Variants in H3C1 observed in about 807,000 individuals in gnomAD.
H3C1 encodes histone H3.1.
Under a neutral mutation model 7.3 loss-of-function variants are expected in H3C1, and 14 were observed. The observed-to-expected ratio is 1.90, with a 90% confidence interval of 1.26 to 2.98. The LOEUF (loss-of-function observed/expected upper bound fraction) is 2.98. H3C1 is among the 30% of genes most tolerant of loss of function. The probability of loss-of-function intolerance (pLI) is 0.00; values close to 1 mark genes in which losing one functional copy is unlikely to be tolerated. For synonymous variants in H3C1, 181 were observed against 76.0 expected, an observed-to-expected ratio of 2.38 and a Z score of -7.18; for missense variants, 326 against 192.2, an observed-to-expected ratio of 1.70 and a Z score of -4.12.
rs1388919828 is a variant in H3C1 at position 26,020,931 on chromosome 6, A to C, written c.*31A>C. On this transcript the variant is annotated 3_prime_UTR_variant, in exon 1 of 1. Transcript: ENST00000613854. ...GTGGTCTCTCTGACGGTCCAAGCAAAGGCTCTTTTCAGAGCCACCACCTTT... is the reference window on the plus strand; with the variant it reads ...GTGGTCTCTCTGACGGTCCAAGCAACGGCTCTTTTCAGAGCCACCACCTTT... The C allele has an allele frequency of 1.3e-5, 21 of 1,608,254 alleles. No individual in the cohort carries two copies. Among genetic ancestry groups the C allele is most frequent in the Non-Finnish European group, 1.6e-5 (19 of 1,178,004 alleles).
Position 26,020,663 on chromosome 6 carries a change from CACTGA to C in H3C1, c.179_183del (p.Glu60AlafsTer4). 1 of 1,614,268 alleles carries C rather than the reference CACTGA, an allele frequency of 6.2e-7. No homozygotes were observed. Among genetic ancestry groups the C allele is most frequent in the Non-Finnish European group, 8.5e-7 (1 of 1,180,038 alleles). ...GCGAGATCCGCCGTTATCAGAAGTC[CACTGA>C]ACTGCTTATTCGTAAACTACCTTTC... is the stretch of plus-strand genomic sequence containing the variant. On this transcript the variant is annotated frameshift_variant, in exon 1 of 1. Transcript: ENST00000613854. LOFTEE classifies it high-confidence loss of function.
Position 26,020,521 on chromosome 6 carries a change from C to T in H3C1, c.32C>T (p.Ser11Phe), listed in dbSNP as rs1761218118. 3.1e-6 allele frequency: 5 copies of T among 1,614,146 alleles called. No individual in the cohort carries two copies. The highest frequency in any genetic ancestry group is 4.2e-6 in the Non-Finnish European group (5 of 1,180,028). Reference protein sequence around the residue: MARTKQTARKSTGGKAPRKQL... With the variant: MARTKQTARKFTGGKAPRKQL... ...CGCACTAAGCAAACTGCTCGGAAGT[C>T]TACTGGTGGCAAGGCGCCACGCAAA... The change falls in exon 1 of 1, where the codon TCT (serine) becomes TTT (phenylalanine). Residue 11 changes from serine (S) to phenylalanine (F), a missense_variant. Coordinates refer to ENST00000613854, the MANE Select transcript of H3C1 (RefSeq NM_003529.3).
rs770163411 is a variant in H3C1, at chr6:26,020,462, G to A, written c.-28G>A. On this transcript the variant is annotated 5_prime_UTR_variant, in exon 1 of 1. Coordinates refer to ENST00000613854, the MANE Select transcript of H3C1 (RefSeq NM_003529.3). Reference sequence around the variant, plus strand: ...TCATGGGCGTATTTGCGCTAGTGTTGGGTGTTCCGCTGTGCTGTTTTTCCG... The same window carrying A: ...TCATGGGCGTATTTGCGCTAGTGTTAGGTGTTCCGCTGTGCTGTTTTTCCG... 3.1e-6 allele frequency: 5 copies of A among 1,611,296 alleles called. No homozygotes were observed. Among genetic ancestry groups the A allele is most frequent in the Admixed American group, 3.4e-5 (2 of 59,400 alleles).
rs752487473 is a variant in H3C1 at position 26,020,483 on chromosome 6, T to C, written c.-7T>C. 1 of 1,613,468 alleles carries C rather than the reference T, an allele frequency of 6.2e-7. No homozygotes were observed. Among genetic ancestry groups the C allele is most frequent in the African/African-American group, 1.3e-5 (1 of 74,866 alleles). On this transcript the variant is annotated 5_prime_UTR_variant, in exon 1 of 1. Coordinates refer to ENST00000613854, the MANE Select transcript of H3C1 (RefSeq NM_003529.3). ...TGTTGGGTGTTCCGCTGTGCTGTTT[T>C]TCCGTCATGGCTCGCACTAAGCAAA...
At position 26,020,789 on chromosome 6, in the gene H3C1, CTTGGTAGGGCTAT is replaced by C; in HGVS notation, c.304_316del (p.Val102ArgfsTer?). On this transcript the variant is annotated frameshift_variant, in exon 1 of 1. Transcript: ENST00000613854. LOFTEE classifies it high-confidence loss of function. ...CTCTGCAGGAGGCGTGCGAGGCCTA[CTTGGTAGGGCTAT>C]TTGAGGACACTAACCTGTGCGCCAT... 1 of 1,614,246 alleles carries C rather than the reference CTTGGTAGGGCTAT, an allele frequency of 6.2e-7. No individual in the cohort carries two copies. The highest frequency in any genetic ancestry group is 8.5e-7 in the Non-Finnish European group (1 of 1,180,048).
In H3C1 at chr6:26,020,736, C is replaced by A. The variant is rs772494976; in HGVS notation, c.247C>A (p.Leu83Met). 2.5e-6 allele frequency: 4 copies of A among 1,614,264 alleles called. No homozygotes were observed. The South Asian group carries it at 4.4e-5, about 18-fold the overall frequency. ...REIAQDFKTD[L>M]RFQSSAVMAL... is the part of the protein sequence containing the mutation. ...GATTGCGCAGGACTTTAAAACAGAC[C>A]TGCGTTTCCAGAGCTCCGCTGTGAT... The change falls in exon 1 of 1, where the codon CTG (leucine) becomes ATG (methionine). Residue 83 changes from leucine (L) to methionine (M), a missense_variant. Transcript: ENST00000613854.
Position 26,020,808 on chromosome 6 carries a change from G to A in H3C1, c.319G>A (p.Asp107Asn), listed in dbSNP as rs1378364928. The change falls in exon 1 of 1, where the codon GAC becomes AAC. Residue 107 changes from aspartate to asparagine, a missense_variant. Asp to Asn is a conservative substitution (Grantham distance 23). Coordinates refer to ENST00000613854, the MANE Select transcript of H3C1 (RefSeq NM_003529.3). ...GGCCTACTTGGTAGGGCTATTTGAG[G>A]ACACTAACCTGTGCGCCATCCACGC... ...CEAYLVGLFE[D>N]TNLCAIHAKR... 8 of 1,614,114 alleles carry A rather than the reference G, an allele frequency of 5.0e-6. No individual in the cohort carries two copies. Among genetic ancestry groups the A allele is most frequent in the Admixed American group, 1.7e-5 (1 of 60,008 alleles).
chr6:26,020,667 G>T lies in H3C1; in HGVS notation c.178G>T (p.Glu60Ter). The change falls in exon 1 of 1, where the codon GAA becomes TAA. Residue 60 changes from glutamate to a stop codon, truncating the protein, a stop_gained. Transcript: ENST00000613854. LOFTEE classifies it high-confidence loss of function. Reference sequence around the variant, plus strand: ...GATCCGCCGTTATCAGAAGTCCACTGAACTGCTTATTCGTAAACTACCTTT... The same window carrying T: ...GATCCGCCGTTATCAGAAGTCCACTTAACTGCTTATTCGTAAACTACCTTT... ...REIRRYQKSTELLIRKLPFQR... is the reference protein window; with the variant it reads ...REIRRYQKST The T allele has an allele frequency of 6.2e-7, 1 of 1,614,258 alleles. No individual in the cohort carries two copies. Among genetic ancestry groups the T allele is most frequent in the African/African-American group, 1.3e-5 (1 of 75,070 alleles).
rs140324916 is a variant in H3C1, at chr6:26,020,867, G to A, written c.378G>A (p.Gln126=). Residue 126 remains glutamine, a synonymous_variant, in exon 1 of 1, where the codon CAG becomes CAA. Coordinates refer to ENST00000613854, the MANE Select transcript of H3C1 (RefSeq NM_003529.3). ...KRVTIMPKDI[Q]LARRIRGERA is the part of the protein sequence containing the mutation. ...TCACTATCATGCCCAAGGACATCCA[G>A]CTCGCCCGCCGCATCCGCGGAGAGA... 1.2e-6 allele frequency: 2 copies of A among 1,614,070 alleles called. No homozygotes were observed. The highest frequency in any genetic ancestry group is 1.1e-5 in the South Asian group (1 of 91,080).
chr6:26,020,541 C>T lies in H3C1; in HGVS notation c.52C>T (p.Arg18Cys). The change falls in exon 1 of 1, where the codon CGC becomes TGC. Residue 18 changes from arginine (R) to cysteine (C), a missense_variant. By Grantham distance (180) the Arg-to-Cys change is radical. Coordinates refer to ENST00000613854, the MANE Select transcript of H3C1 (RefSeq NM_003529.3). ...GAAGTCTACTGGTGGCAAGGCGCCA[C>T]GCAAACAGTTGGCCACTAAGGCAGC... Reference protein sequence around the residue: ...ARKSTGGKAPRKQLATKAARK... With the variant: ...ARKSTGGKAPCKQLATKAARK... 1 of 1,614,154 alleles carries T rather than the reference C, an allele frequency of 6.2e-7. No homozygotes were observed. Among genetic ancestry groups the T allele is most frequent in the Non-Finnish European group, 8.5e-7 (1 of 1,180,026 alleles).
Position 26,020,717 on chromosome 6 carries a change from G to T in H3C1, c.228G>T (p.Ala76=), listed in dbSNP as rs781022060. 2 of 1,614,244 alleles carry T rather than the reference G, an allele frequency of 1.2e-6. No individual in the cohort carries two copies. Among genetic ancestry groups the T allele is most frequent in the Non-Finnish European group, 1.7e-6 (2 of 1,180,054 alleles). ...TCCAGCGCCTGGTGCGCGAGATTGC[G>T]CAGGACTTTAAAACAGACCTGCGTT... ...LPFQRLVREI[A]QDFKTDLRFQ... is the part of the protein sequence containing the mutation. The change falls in exon 1 of 1, where the codon GCG becomes GCT. Residue 76 remains alanine, a synonymous_variant. Coordinates refer to ENST00000613854, the MANE Select transcript of H3C1 (RefSeq NM_003529.3).
rs1266927263 is a variant in H3C1, at chr6:26,020,789, C to T, written c.300C>T (p.Tyr100=). The change falls in exon 1 of 1, where the codon TAC becomes TAT. Residue 100 remains tyrosine (Y), a synonymous_variant. Coordinates refer to ENST00000613854, the MANE Select transcript of H3C1 (RefSeq NM_003529.3). The part of the protein sequence containing the change: ...VMALQEACEA[Y]LVGLFEDTNL... ...CTCTGCAGGAGGCGTGCGAGGCCTA[C>T]TTGGTAGGGCTATTTGAGGACACTA... The T allele has an allele frequency of 3.7e-6, 6 of 1,614,246 alleles. No homozygotes were observed. Among genetic ancestry groups the T allele is most frequent in the Middle Eastern group, 1.6e-4 (1 of 6,062 alleles).
Position 26,020,875 on chromosome 6 carries a change from GCCGCAT to G in H3C1, c.391_396del (p.Ile131_Arg132del). 8 of 1,614,248 alleles carry G rather than the reference GCCGCAT, an allele frequency of 5.0e-6. No homozygotes were observed. Among genetic ancestry groups the G allele is most frequent in the Non-Finnish European group, 6.8e-6 (8 of 1,180,040 alleles). ...ATGCCCAAGGACATCCAGCTCGCCCGCCGCATCCGCGGAGAGAGGGCGTGATTACTG... is the reference window on the plus strand; with the variant it reads ...ATGCCCAAGGACATCCAGCTCGCCCGCCGCGGAGAGAGGGCGTGATTACTG... On this transcript the variant is annotated inframe_deletion, in exon 1 of 1. Transcript: ENST00000613854.
chr6:26,020,741 T>A lies in H3C1; in HGVS notation c.252T>A (p.Arg84=). The A allele has an allele frequency of 6.2e-7, 1 of 1,614,242 alleles. No homozygotes were observed. The highest frequency in any genetic ancestry group is 8.5e-7 in the Non-Finnish European group (1 of 1,180,030). ...CGCAGGACTTTAAAACAGACCTGCG[T>A]TTCCAGAGCTCCGCTGTGATGGCTC... The part of the protein sequence containing the change: ...EIAQDFKTDL[R]FQSSAVMALQ... The change falls in exon 1 of 1, where the codon CGT becomes CGA. Residue 84 remains arginine, a synonymous_variant. Transcript: ENST00000613854.
rs754453989 is a variant in H3C1, at chr6:26,020,642, G to A, written c.153G>A (p.Glu51=). The A allele has an allele frequency of 6.2e-6, 10 of 1,614,112 alleles. No individual in the cohort carries two copies. Among genetic ancestry groups the A allele is most frequent in the African/African-American group, 4.0e-5 (3 of 74,944 alleles). The change falls in exon 1 of 1, where the codon GAG becomes GAA. Residue 51 remains glutamate, a synonymous_variant. Coordinates refer to ENST00000613854, the MANE Select transcript of H3C1 (RefSeq NM_003529.3). ...GGCCGGGCACCGTGGCTCTGCGCGAGATCCGCCGTTATCAGAAGTCCACTG... is the reference window on the plus strand; with the variant it reads ...GGCCGGGCACCGTGGCTCTGCGCGAAATCCGCCGTTATCAGAAGTCCACTG... ...RYRPGTVALR[E]IRRYQKSTEL...
rs751663144 is a variant in H3C1 at position 26,020,504 on chromosome 6, G to A, written c.15G>A (p.Lys5=). ...GTTTTTCCGTCATGGCTCGCACTAA[G>A]CAAACTGCTCGGAAGTCTACTGGTG... MART[K]QTARKSTGGK... The change falls in exon 1 of 1, where the codon AAG becomes AAA. Residue 5 remains lysine (K), a synonymous_variant. Coordinates refer to ENST00000613854, the MANE Select transcript of H3C1 (RefSeq NM_003529.3). 16 of 1,613,900 alleles carry A rather than the reference G, an allele frequency of 9.9e-6. No homozygotes were observed. Among genetic ancestry groups the A allele is most frequent in the Admixed American group, 5.0e-5 (3 of 59,972 alleles).
chr6:26,020,722 A>C lies in H3C1; in HGVS notation c.233A>C (p.Asp78Ala). 1.2e-6 allele frequency: 2 copies of C among 1,614,250 alleles called. No individual in the cohort carries two copies. The highest frequency in any genetic ancestry group is 1.7e-6 in the Non-Finnish European group (2 of 1,180,048). The stretch of plus-strand genomic sequence containing the variant: ...CGCCTGGTGCGCGAGATTGCGCAGG[A>C]CTTTAAAACAGACCTGCGTTTCCAG... Reference protein sequence around the residue: ...FQRLVREIAQDFKTDLRFQSS... With the variant: ...FQRLVREIAQAFKTDLRFQSS... The change falls in exon 1 of 1, where the codon GAC becomes GCC. Residue 78 changes from aspartate to alanine, a missense_variant. Coordinates refer to ENST00000613854, the MANE Select transcript of H3C1 (RefSeq NM_003529.3).
At position 26,020,595 on chromosome 6, in the gene H3C1, G is replaced by A. The variant is rs1269102218; in HGVS notation, c.106G>A (p.Val36Met). Residue 36 changes from valine (V) to methionine (M), a missense_variant, in exon 1 of 1, where the codon GTG becomes ATG. Physicochemically the swap from Val to Met is conservative, Grantham distance 21. Coordinates refer to ENST00000613854, the MANE Select transcript of H3C1 (RefSeq NM_003529.3). ...CAAAAGCGCTCCGGCCACCGGCGGC[G>A]TGAAAAAGCCCCACCGCTACCGGCC... The part of the protein sequence containing the change: ...ARKSAPATGG[V>M]KKPHRYRPGT... The A allele has an allele frequency of 5.0e-6, 8 of 1,614,064 alleles. No homozygotes were observed. The highest frequency in any genetic ancestry group is 1.3e-5 in the African/African-American group (1 of 74,940).
At position 26,020,696 on chromosome 6, in the gene H3C1, G is replaced by A. The variant is rs762230859; in HGVS notation, c.207G>A (p.Gln69=). The part of the protein sequence containing the change: ...TELLIRKLPF[Q]RLVREIAQDF... ...TGCTTATTCGTAAACTACCTTTCCA[G>A]CGCCTGGTGCGCGAGATTGCGCAGG... is the stretch of plus-strand genomic sequence containing the variant. The change falls in exon 1 of 1, where the codon CAG becomes CAA. Residue 69 remains glutamine, a synonymous_variant. Transcript: ENST00000613854. The A allele has an allele frequency of 1.1e-5, 17 of 1,614,106 alleles. No individual in the cohort carries two copies. The East Asian group carries it at 1.1e-4, about 11-fold the overall frequency.
Sources: allele counts gnomAD v4.1 joint callset, GRCh38; gene constraint gnomAD v4.1.1; transcripts MANE v1.5; gene names NCBI Gene and HGNC (gene_info 2026-07-23, HGNC 2026-07-21).